The following SCAPER variants were observed in gnomAD, a reference collection of about 807,000 sequenced individuals.
The protein encoded by SCAPER is S phase cyclin A-associated protein in the endoplasmic reticulum.
A neutral mutation model predicts 182.2 loss-of-function variants in SCAPER; 98 were observed. The ratio of observed to expected loss-of-function variants is 0.54; its 90% CI spans 0.46 to 0.64. The LOEUF is 0.64. Among genes scored for constraint, SCAPER ranks in the 30% least tolerant of loss-of-function variants. The probability of loss-of-function intolerance (pLI) is 0.00; values close to 1 mark genes in which losing one functional copy is unlikely to be tolerated. For missense variants in SCAPER, 1,432 were observed against 1,690.0 expected (o/e 0.85, Z 2.68); for synonymous variants, 605 against 564.6 (o/e 1.07, Z -1.01).
At chr15:76,384,284 T>C (rs2043153880) in intron 27 of SCAPER, among the ~76,000 whole-genome samples, 2 of 152,350 alleles carry the variant, frequency 1.3e-5, no homozygotes, top group Admixed American at 6.5e-5. Flanking sequence ...ATGGTGACTT[T>C]CCCTTTACTC....
chr15:76,846,562 G>A (rs1422797234), intron 4 of SCAPER, among the ~76,000 whole-genome samples: 1 of 151,994 alleles, frequency 6.6e-6, no homozygotes, highest in Non-Finnish European at 1.5e-5. Context: ...CATTTCTCAA[G>A]AGAAGACATA....
chr15:76,732,542 G>A lies in SCAPER; in HGVS notation c.2022+687C>T, dbSNP rs1033390778. On this transcript the variant is annotated intron_variant, in intron 16 of 31. Transcript: ENST00000563290. ...TGCTTGGTCTAGTGGTAACGCCAGC[G>A]TCTGGGAAGATGCTCATTGCCAAGC... 5.9e-5 allele frequency among the ~76,000 whole-genome samples: 9 copies of A among 152,156 alleles called. No homozygotes were observed. The East Asian group carries it at 9.7e-4, about 16-fold the overall frequency.
chr15:76,787,146 A>C (rs1199205417), intron 8 of SCAPER, among the ~76,000 whole-genome samples: 1 of 152,210 alleles, frequency 6.6e-6, no homozygotes, highest in Non-Finnish European at 1.5e-5. Context: ...CATTCCAAAA[A>C]TGTATATAGA....
chr15:76,708,288 T>G (rs573009882), intron 17 of SCAPER, among the ~76,000 whole-genome samples: 1 of 152,156 alleles, frequency 6.6e-6, no homozygotes, highest in Non-Finnish European at 1.5e-5. Flanking sequence ...CCGAATATTT[T>G]TGACCCATGG....
chr15:76,818,753 T>G (rs1568239657), intron 5 of SCAPER, among the ~76,000 whole-genome samples: 1 of 152,166 alleles, frequency 6.6e-6, no homozygotes, highest in Non-Finnish European at 1.5e-5. Context: ...GGACAGTGGG[T>G]GCAGCGCACC....
At chr15:76,888,073 T>G (rs1270477432) in intron 1 of SCAPER, among the ~76,000 whole-genome samples, 1 of 152,206 alleles carries the variant, frequency 6.6e-6, no homozygotes, top group Non-Finnish European at 1.5e-5. Context: ...CCAACAGACC[T>G]GCAGCTGAGG....
At chr15:76,781,133 A>T (rs892894011) in intron 8 of SCAPER, among the ~76,000 whole-genome samples, 1 of 152,194 alleles carries the variant, frequency 6.6e-6, no homozygotes, top group Non-Finnish European at 1.5e-5. Context: ...GAAGCTAAAA[A>T]ACATTGAAAA....
intron 5 of SCAPER, among the ~76,000 whole-genome samples, chr15:76,805,155 ATTTG>A (rs1191166743): frequency 6.6e-6 from 1 of 152,078 alleles, no homozygotes; most frequent in Non-Finnish European, 1.5e-5. Context: ...AATATAGTAT[ATTTG>A]TTTATTCATT....
At chr15:76,858,882 A>G (rs28663543) in intron 3 of SCAPER, among the ~76,000 whole-genome samples, 1 of 152,152 alleles carries the variant, frequency 6.6e-6, no homozygotes, top group African/African-American at 2.4e-5. Context: ...ATTGATGGCC[A>G]TTTAGGTTGA....
At chr15:76,874,082 C>T (rs1373273136) in intron 2 of SCAPER, among the ~76,000 whole-genome samples, 1 of 152,034 alleles carries the variant, frequency 6.6e-6, no homozygotes. Flanking sequence ...TTAGTAGAGA[C>T]AGCGTTTCAC....
chr15:76,363,673 C>T (rs2041607124), intron 29 of SCAPER, among the ~76,000 whole-genome samples: 1 of 152,102 alleles, frequency 6.6e-6, no homozygotes, highest in Admixed American at 6.5e-5. Flanking sequence ...ACAAGGTGTC[C>T]TTAACAGGGG....
intron 17 of SCAPER, among the ~76,000 whole-genome samples, chr15:76,718,534 G>A (rs954551026): frequency 8.6e-5 from 13 of 151,962 alleles, no homozygotes; most frequent in East Asian, 1.9e-4. Context: ...CCAGCTACTC[G>A]GGTGGCTGAA....
At chr15:76,426,024 CT>C (rs1280255761) in intron 26 of SCAPER, among the ~76,000 whole-genome samples, 1 of 152,238 alleles carries the variant, frequency 6.6e-6, no homozygotes, top group Non-Finnish European at 1.5e-5. Flanking sequence ...TCTGCCCCTA[CT>C]GGGGGGTGCC....
At chr15:76,776,419 T>C (rs2063746132) in intron 8 of SCAPER, among the ~76,000 whole-genome samples, 2 of 152,062 alleles carry the variant, frequency 1.3e-5, no homozygotes, top group African/African-American at 4.8e-5. Flanking sequence ...CCAATTCCCC[T>C]ATCCAAGTAG....
intron 17 of SCAPER, among the ~76,000 whole-genome samples, chr15:76,718,481 G>C (rs1017885830): frequency 2.6e-5 from 4 of 151,784 alleles, no homozygotes; most frequent in Non-Finnish European, 5.9e-5. Flanking sequence ...TTGAGGTCAG[G>C]AGTTCGAAAA....
chr15:76,762,963 A>G (rs926408668), intron 14 of SCAPER, among the ~76,000 whole-genome samples: 1 of 152,158 alleles, frequency 6.6e-6, no homozygotes, highest in Non-Finnish European at 1.5e-5. Context: ...AGCCTTCTTT[A>G]AAGTTTTATA....
At chr15:76,408,323 C>T (rs1267912461) in intron 26 of SCAPER, among the ~76,000 whole-genome samples, 1 of 152,036 alleles carries the variant, frequency 6.6e-6, no homozygotes, top group Non-Finnish European at 1.5e-5. Flanking sequence ...TATTTATTTC[C>T]TGTAAAATGA....
intron 14 of SCAPER, among the ~76,000 whole-genome samples, chr15:76,756,819 C>A (rs2151214860): frequency 6.6e-6 from 1 of 152,252 alleles, no homozygotes; most frequent in Middle Eastern, 3.4e-3. Flanking sequence ...TTATAATTGT[C>A]ATTTTTCAGA....
chr15:76,613,158 G>T (rs1182719378), intron 22 of SCAPER, among the ~76,000 whole-genome samples: 1 of 152,094 alleles, frequency 6.6e-6, no homozygotes, highest in Admixed American at 6.5e-5. Flanking sequence ...CCTGACAAAA[G>T]CAAGCAATGG....
Sources: gnomAD v4.1 joint callset for allele counts (sites outside exome capture counted in the v4.1 genomes callset) on GRCh38, gnomAD v4.1.1 for gene constraint, MANE v1.5 for transcripts, NCBI Gene and HGNC (gene_info 2026-07-23, HGNC 2026-07-21) for gene names.